ATAD3A: variants seen among roughly 807,000 people sequenced by gnomAD.
The protein encoded by ATAD3A is ATPase family AAA domain containing 3A, also known as ATPase family AAA domain-containing protein 3A.
ATAD3A carries 46 observed loss-of-function variants against 73.8 expected under a neutral mutation model. The ratio of observed to expected loss-of-function variants is 0.62; its 90% CI spans 0.49 to 0.80. The LOEUF (loss-of-function observed/expected upper bound fraction) is 0.80. Among genes scored for constraint, ATAD3A ranks in the 30% least tolerant of loss-of-function variants. ATAD3A has a pLI of 0.00. For missense variants in ATAD3A, 705 were observed against 838.0 expected, an observed-to-expected ratio of 0.84 and a Z score of 1.96; for synonymous variants, 319 against 350.0, an observed-to-expected ratio of 0.91 and a Z score of 0.99.
chr1:1,523,765 A>T lies in ATAD3A; in HGVS notation c.964-74A>T. The T allele has an allele frequency of 1.9e-6, 3 of 1,606,174 alleles. No individual in the cohort carries two copies. Among genetic ancestry groups the T allele is most frequent in the Non-Finnish European group, 2.6e-6 (3 of 1,175,650 alleles). ...CGAGGAGCCGAGTCTGCACCCAGGC[A>T]TTCCCGCAGCCCCTTCCCCTGAGGC... is the stretch of plus-strand genomic sequence containing the variant. On this transcript the variant is annotated intron_variant, in intron 9 of 15. Coordinates refer to ENST00000378756, the MANE Select transcript of ATAD3A (RefSeq NM_001170535.3). This position sits in a 1 kb window ranked among gnomAD's most constrained non-coding sequence, Gnocchi z 5.1.
rs780963309 is a variant in ATAD3A, at chr1:1,529,319, C to T, written c.1602C>T (p.Ala534=). ...GMSGREIAQL[A]VSWQATAYAS... ...CGGGCCGGGAGATCGCTCAGCTGGC[C>T]GTGTCCTGGCAGGTGAGTCAGGCTC... The change falls in exon 15 of 16, where the codon GCC becomes GCT. Residue 534 remains alanine (A), a synonymous_variant. Coordinates refer to ENST00000378756, the MANE Select transcript of ATAD3A (RefSeq NM_001170535.3). The T allele has an allele frequency of 1.8e-5, 28 of 1,588,508 alleles. No individual in the cohort carries two copies. The highest frequency in any genetic ancestry group is 1.1e-4 in the East Asian group (5 of 43,946).
Position 1,525,104 on chromosome 1 carries a change from A to C in ATAD3A, c.1215-136A>C, listed in dbSNP as rs1557471547. 3.3e-6 allele frequency: 4 copies of C among 1,229,536 alleles called. 1 individual carries two copies. Among genetic ancestry groups the C allele is most frequent in the Non-Finnish European group, 1.2e-6 (1 of 849,196 alleles). The allele number at this position is 1,229,536 out of a possible 1,614,324, so 76.2% of individuals were successfully genotyped here. On this transcript the variant is annotated intron_variant, in intron 11 of 15. Coordinates refer to ENST00000378756, the MANE Select transcript of ATAD3A (RefSeq NM_001170535.3). Reference sequence around the variant, plus strand: ...CTGATCGGCTTCTGTCGAGTCCAGGACTTAGGGCTGCTGATGGGGCAGAGC... The same window carrying C: ...CTGATCGGCTTCTGTCGAGTCCAGGCCTTAGGGCTGCTGATGGGGCAGAGC...
At chr1:1,525,469 C>T (rs1570346716) in intron 12 of ATAD3A, among the ~76,000 whole-genome samples, 178 bp downstream of exon 12, 1 of 148,284 alleles carries the variant, frequency 6.7e-6, no homozygotes, top group South Asian at 2.1e-4. Context: ...GGCTGGAGTG[C>T]AATGGCCCCA....
chr1:1,529,467 CAG>C (rs369480294), intron 15 of ATAD3A, 136 bp downstream of exon 15: 10 of 1,455,564 alleles, frequency 6.9e-6, no homozygotes, highest in Admixed American at 5.1e-5. Flanking sequence ...AGAGGTGACA[CAG>C]GGCCCCCTGC....
chr1:1,518,737 C>A (rs1387660157), intron 4 of ATAD3A, among the ~76,000 whole-genome samples, 184 bp from the exon 5 acceptor site: 1 of 149,068 alleles, frequency 6.7e-6, no homozygotes, highest in Admixed American at 6.7e-5. Context: ...ATCACCCCCA[C>A]ACACATGGGC....
rs777835816 is a variant in ATAD3A, at chr1:1,527,747, A to C, written c.1390A>C (p.Asn464His). ...NQPEQFDWAINDRINEMVHFD... is the reference protein window; with the variant it reads ...NQPEQFDWAIHDRINEMVHFD... ...ACCAGAGCAGTTCGACTGGGCCATC[A>C]ATGACCGCATCAATGAGATGGTCCA... Residue 464 changes from asparagine to histidine, a missense_variant, in exon 14 of 16, where the codon AAT becomes CAT. Around this residue, in one of 5 missense-constraint regions of ATAD3A, gnomAD observed 252 missense variants for 278.5 expected, o/e 0.90. Coordinates refer to ENST00000378756, the MANE Select transcript of ATAD3A (RefSeq NM_001170535.3). 1.2e-6 allele frequency: 2 copies of C among 1,613,784 alleles called. No individual in the cohort carries two copies. The highest frequency in any genetic ancestry group is 1.7e-6 in the Non-Finnish European group (2 of 1,179,932).
In ATAD3A at chr1:1,522,845, A is replaced by G; in HGVS notation, c.852A>G (p.Leu284=). Residue 284 remains leucine (L), a synonymous_variant, in exon 8 of 16, where the codon CTA becomes CTG. Transcript: ENST00000378756. ...FIEARLGKPS[L]VRETSRITVL... is the part of the protein sequence containing the mutation. Reference sequence around the variant, plus strand: ...AGGCTCGGCTGGGGAAGCCGTCCCTAGTGAGGGAGACGTCCCGCATCACGG... The same window carrying G: ...AGGCTCGGCTGGGGAAGCCGTCCCTGGTGAGGGAGACGTCCCGCATCACGG... 1.2e-6 allele frequency: 2 copies of G among 1,610,254 alleles called. No individual in the cohort carries two copies. The highest frequency in any genetic ancestry group is 2.2e-5 in the East Asian group (1 of 44,818).
chr1:1,531,394 A>T (rs1169286566), intron 15 of ATAD3A, among the ~76,000 whole-genome samples: 1 of 148,252 alleles, frequency 6.7e-6, no homozygotes, highest in Non-Finnish European at 1.5e-5. Flanking sequence ...GAGGTTGCAA[A>T]GAGCCGAGAT....
At chr1:1,517,263 A>G (rs756601598) in intron 2 of ATAD3A, 48 bp from the exon 3 acceptor site, 60 of 1,547,164 alleles carry the variant, frequency 3.9e-5, no homozygotes, top group Non-Finnish European at 3.0e-5. Flanking sequence ...GCTGTCAGGC[A>G]GTGCCAGCCC....
rs770414218 is a variant in ATAD3A, at chr1:1,523,973, G to T, written c.1089+9G>T. On this transcript the variant is annotated intron_variant, in intron 10 of 15. Transcript: ENST00000378756. This position sits in a 1 kb window ranked among gnomAD's most constrained non-coding sequence, Gnocchi z 5.1. ...AGACGCTGTTTGCCAAGGTGAGAGC[G>T]CCTGGCTGAACAGGTGGGCCAGGGG... 6.2e-7 allele frequency: 1 copy of T among 1,613,722 alleles called. No homozygotes were observed. Among genetic ancestry groups the T allele is most frequent in the East Asian group, 2.2e-5 (1 of 44,882 alleles).
chr1:1,520,588 G>T lies in ATAD3A; in HGVS notation c.721G>T (p.Val241Leu). 6.2e-7 allele frequency: 1 copy of T among 1,613,762 alleles called. No individual in the cohort carries two copies. The highest frequency in any genetic ancestry group is 8.5e-7 in the Non-Finnish European group (1 of 1,179,882). ...TLFGEGFRAF[V>L]TDWDKVTATV... ...GTTTGGGGAAGGATTCCGTGCCTTT[G>T]TGACAGACTGGGACAAAGTGACAGC... The change falls in exon 7 of 16, where the codon GTG becomes TTG. Residue 241 changes from valine to leucine, a missense_variant. Transcript: ENST00000378756. The surrounding 1 kb of genome is among the most constrained non-coding windows in gnomAD (Gnocchi z 4.0).
In ATAD3A at chr1:1,516,150, G is replaced by C. The variant is rs1044660791; in HGVS notation, c.282+62G>C. ...CACATGGGGTTCGGGCATGGAGATT[G>C]GTAGGGCTACTGCCGGTGGGTAGGG... is the stretch of plus-strand genomic sequence containing the variant. On this transcript the variant is annotated intron_variant, in intron 2 of 15. Transcript: ENST00000378756. 14 of 1,607,634 alleles carry C rather than the reference G, an allele frequency of 8.7e-6. No homozygotes were observed. The Admixed American group carries it at 1.0e-4, about 12-fold the overall frequency.
In ATAD3A at chr1:1,523,540, G is replaced by A. The variant is rs1447546801; in HGVS notation, c.936G>A (p.Gln312=). 1.2e-6 allele frequency: 2 copies of A among 1,612,938 alleles called. No individual in the cohort carries two copies. The highest frequency in any genetic ancestry group is 1.7e-5 in the Admixed American group (1 of 59,972). ...GCCGGCGGCTCCTCAGTCGACCCCA[G>A]GACGCGCTGGAGGGTGTTGTGCTCA... ...QVSRRLLSRP[Q]DALEGVVLSP... The change falls in exon 9 of 16, where the codon CAG becomes CAA. Residue 312 remains glutamine (Q), a synonymous_variant. Transcript: ENST00000378756. This position sits in a 1 kb window ranked among gnomAD's most constrained non-coding sequence, Gnocchi z 5.1.
Position 1,533,929 on chromosome 1 carries a change from A to T in ATAD3A, c.1618A>T (p.Thr540Ser). 1.2e-6 allele frequency: 2 copies of T among 1,612,618 alleles called. No individual in the cohort carries two copies. The highest frequency in any genetic ancestry group is 2.2e-5 in the East Asian group (1 of 44,818). Residue 540 changes from threonine to serine, a missense_variant, in exon 16 of 16, where the codon ACG becomes TCG. Transcript: ENST00000378756. ...CAGCTGCCTCTCTCCCCACTAGGCC[A>T]CGGCGTATGCCTCCGAGGACGGGGT... ...IAQLAVSWQA[T>S]AYASEDGVLT...
intron 4 of ATAD3A, 152 bp from the exon 5 acceptor site, chr1:1,518,769 C>G: frequency 1.3e-6 from 2 of 1,502,550 alleles, no homozygotes; most frequent in Non-Finnish European, 1.8e-6. Context: ...CCTGCACATT[C>G]GGGCACCGTC....
chr1:1,529,330 A>G lies in ATAD3A; in HGVS notation c.1613A>G (p.Gln538Arg), dbSNP rs779547892. The G allele has an allele frequency of 1.3e-6, 2 of 1,576,036 alleles. No individual in the cohort carries two copies. The highest frequency in any genetic ancestry group is 2.3e-5 in the South Asian group (2 of 86,662). ...REIAQLAVSW[Q>R]ATAYASEDGV... is the part of the protein sequence containing the mutation. Reference sequence around the variant, plus strand: ...ATCGCTCAGCTGGCCGTGTCCTGGCAGGTGAGTCAGGCTCCGGCACGTCCA... The same window carrying G: ...ATCGCTCAGCTGGCCGTGTCCTGGCGGGTGAGTCAGGCTCCGGCACGTCCA... Residue 538 changes from glutamine (Q) to arginine (R), a missense_variant and splice_region_variant, in exon 15 of 16, where the codon CAG becomes CGG. Gln to Arg is a conservative substitution (Grantham distance 43). Coordinates refer to ENST00000378756, the MANE Select transcript of ATAD3A (RefSeq NM_001170535.3).
chr1:1,524,421 C>T (rs1280313108), intron 11 of ATAD3A, 24 bp downstream of exon 11: 2 of 1,583,302 alleles, frequency 1.3e-6, no homozygotes, highest in East Asian at 4.5e-5. Context: ...ACAGCATGCA[C>T]CAGGCCCTTG....
Position 1,517,064 on chromosome 1 carries a change from A to G in ATAD3A, c.283-247A>G, listed in dbSNP as rs1641382235. On this transcript the variant is annotated intron_variant, in intron 2 of 15. Transcript: ENST00000378756. ...TGAGCTCTGCCCTCAGTGCAGTCCAAAAGGGGGTGTCCGGCCTCCCTCCCG... is the reference window on the plus strand; with the variant it reads ...TGAGCTCTGCCCTCAGTGCAGTCCAGAAGGGGGTGTCCGGCCTCCCTCCCG... The G allele has an allele frequency of 1.9e-5, 29 of 1,504,640 alleles. No homozygotes were observed. The South Asian group carries it at 3.7e-4, about 19-fold the overall frequency. 93.2% of individuals were successfully genotyped at this position (1,504,640 alleles called of 1,614,324 possible).
chr1:1,522,268 T>G (rs1176617465), intron 7 of ATAD3A, among the ~76,000 whole-genome samples: 1 of 152,148 alleles, frequency 6.6e-6, no homozygotes, highest in African/African-American at 2.4e-5. Flanking sequence ...CTTGAACTCT[T>G]GACCTCAGGT....
Sources: gnomAD v4.1 joint callset for allele counts (sites outside exome capture counted in the v4.1 genomes callset) on GRCh38, gnomAD v4.1.1 for gene constraint, gnomAD v4.1.1 regional missense constraint, Gnocchi (gnomAD v3.1) non-coding constraint, MANE v1.5 for transcripts, NCBI Gene and HGNC (gene_info 2026-07-23, HGNC 2026-07-21) for gene names.